PTPN4: variants seen among roughly 807,000 people sequenced by gnomAD.
The protein encoded by PTPN4 is protein tyrosine phosphatase non-receptor type 4, also known as tyrosine-protein phosphatase non-receptor type 4.
Under a neutral mutation model 135.5 loss-of-function variants are expected in PTPN4, and 49 were observed. That is an observed-to-expected ratio of 0.36 (90% CI 0.29 to 0.46). PTPN4 has a LOEUF of 0.46. Ranked by LOEUF, PTPN4 falls within the 20% of genes least tolerant of loss-of-function variation. The pLI is 1.00. For synonymous variants in PTPN4, 333 were observed against 369.9 expected (o/e 0.90, Z 1.14); for missense variants, 860 against 1,101.0 (o/e 0.78, Z 3.10).
Position 119,977,033 on chromosome 2 carries a change from G to C in PTPN4, c.2744G>C (p.Gly915Ala). Residue 915 changes from glycine (G) to alanine (A), a missense_variant, in exon 27 of 27, where the codon GGC becomes GCC. Physicochemically the swap from Gly to Ala is moderately conservative, Grantham distance 60. Coordinates refer to ENST00000263708, the MANE Select transcript of PTPN4 (RefSeq NM_002830.4). Reference sequence around the variant, plus strand: ...GCTATTTTGAAAGTTTATGAAGAAGGCTTTGTTAAACCCTTAACAACATCA... The same window carrying C: ...GCTATTTTGAAAGTTTATGAAGAAGCCTTTGTTAAACCCTTAACAACATCA... ...CEAILKVYEEGFVKPLTTSTN... is the reference protein window; with the variant it reads ...CEAILKVYEEAFVKPLTTSTN... 6.2e-7 allele frequency: 1 copy of C among 1,607,268 alleles called. No individual in the cohort carries two copies. The highest frequency in any genetic ancestry group is 8.5e-7 in the Non-Finnish European group (1 of 1,178,080).
intron 1 of PTPN4, among the ~76,000 whole-genome samples, chr2:119,773,404 G>A (rs977054080): frequency 2.0e-5 from 3 of 151,876 alleles, no homozygotes; most frequent in Admixed American, 6.6e-5. Flanking sequence ...AAACACAGAT[G>A]AACTATATAG....
chr2:119,848,595 ATCT>A (rs1258904393), intron 2 of PTPN4, among the ~76,000 whole-genome samples: 1 of 147,952 alleles, frequency 6.8e-6, no homozygotes, highest in East Asian at 2.1e-4. Context: ...CTCTTAATTT[ATCT>A]TCTTTTTATT....
intron 26 of PTPN4, among the ~76,000 whole-genome samples, chr2:119,971,654 C>T (rs1412310352): frequency 6.6e-6 from 1 of 152,158 alleles, no homozygotes; most frequent in African/African-American, 2.4e-5. Flanking sequence ...AGTTGATGCA[C>T]AGAAGTTTTG....
At position 119,881,782 on chromosome 2, in the gene PTPN4, T is replaced by C. The variant is rs1040070781; in HGVS notation, c.369-4T>C. On this transcript the variant is annotated splice_polypyrimidine_tract_variant and splice_region_variant and intron_variant, in intron 5 of 26. Coordinates refer to ENST00000263708, the MANE Select transcript of PTPN4 (RefSeq NM_002830.4). ...GCTATCCTTTTTGTTTGTTTGTTTT[T>C]AAGGTACCAGTATTTTTTGCAAATT... 2 of 1,548,268 alleles carry C rather than the reference T, an allele frequency of 1.3e-6. No individual in the cohort carries two copies. The highest frequency in any genetic ancestry group is 2.7e-5 in the African/African-American group (2 of 72,906).
intron 1 of PTPN4, among the ~76,000 whole-genome samples, chr2:119,796,908 T>G (rs1248332420): frequency 6.6e-6 from 1 of 151,366 alleles, no homozygotes; most frequent in Non-Finnish European, 1.5e-5. Flanking sequence ...TTTGCCATTC[T>G]GATAGGTAGG....
intron 24 of PTPN4, among the ~76,000 whole-genome samples, chr2:119,964,259 G>T (rs1679414683): frequency 6.6e-6 from 1 of 152,228 alleles, no homozygotes; most frequent in Admixed American, 6.5e-5. Context: ...TTAAAGTATA[G>T]ATGTTATTTC....
intron 26 of PTPN4, among the ~76,000 whole-genome samples, chr2:119,975,874 C>G (rs1679607937): frequency 6.6e-6 from 1 of 151,950 alleles, no homozygotes; most frequent in African/African-American, 2.4e-5. Context: ...AAGTATAAAT[C>G]TAAAAAGGAA....
At chr2:119,801,227 A>G (rs1691357822) in intron 1 of PTPN4, among the ~76,000 whole-genome samples, 1 of 152,114 alleles carries the variant, frequency 6.6e-6, no homozygotes, top group Admixed American at 6.6e-5. Context: ...AGCTGGGATT[A>G]CAAACATGCA....
At chr2:119,884,336 C>G (rs572966218) in intron 8 of PTPN4, among the ~76,000 whole-genome samples, 3 of 152,224 alleles carry the variant, frequency 2.0e-5, no homozygotes, top group African/African-American at 7.2e-5. Context: ...AAAACACTTA[C>G]TGGAACACAG....
rs80222844 is a variant in PTPN4 at position 119,770,630 on chromosome 2, C to T, written c.-18+10246C>T. 1.3e-3 allele frequency among the ~76,000 whole-genome samples: 205 copies of T among 152,032 alleles called. 1 individual carries two copies. In the East Asian group the frequency reaches 0.036, roughly 27 times the overall value. Reference sequence around the variant, plus strand: ...CATAATTTTTAAATTTAAAATATACCTTGGAGATCATTTGACTTCAGCATA... The same window carrying T: ...CATAATTTTTAAATTTAAAATATACTTTGGAGATCATTTGACTTCAGCATA... On this transcript the variant is annotated intron_variant, in intron 1 of 26. Transcript: ENST00000263708.
intron 1 of PTPN4, among the ~76,000 whole-genome samples, chr2:119,779,296 G>A (rs1690894571): frequency 6.6e-6 from 1 of 152,218 alleles, no homozygotes; most frequent in Non-Finnish European, 1.5e-5. Context: ...AGATGGTCCA[G>A]TTGGGAATAT....
At chr2:119,841,271 A>G (rs1428851223) in intron 2 of PTPN4, among the ~76,000 whole-genome samples, 1 of 152,208 alleles carries the variant, frequency 6.6e-6, no homozygotes, top group Non-Finnish European at 1.5e-5. Flanking sequence ...TTGTGCTTAC[A>G]CATTACTGTA....
At chr2:119,843,613 A>AG (rs1237743345) in intron 2 of PTPN4, among the ~76,000 whole-genome samples, 1 of 87,570 alleles carries the variant, frequency 1.1e-5, no homozygotes, top group Non-Finnish European at 2.3e-5. Flanking sequence ...CTGGCCGGGC[A>AG]GGGGGGCTGA....
chr2:119,793,846 GTTTTTTTTTTTTTTT>G (rs55956611), intron 1 of PTPN4, among the ~76,000 whole-genome samples: 3 of 24,798 alleles, frequency 1.2e-4, no homozygotes, highest in African/African-American at 1.8e-4. Context: ...TTCATTTTTA[GTTTTTTTTTTTTTTT>G]TTTTTTTTTT....
chr2:119,948,556 T>C (rs535224787), intron 18 of PTPN4, among the ~76,000 whole-genome samples: 2 of 152,242 alleles, frequency 1.3e-5, no homozygotes, highest in Non-Finnish European at 2.9e-5. Flanking sequence ...GGGATATTAA[T>C]TATATGGTTT....
chr2:119,855,548 T>C (rs968305070), intron 2 of PTPN4, among the ~76,000 whole-genome samples: 1 of 152,204 alleles, frequency 6.6e-6, no homozygotes, highest in African/African-American at 2.4e-5. Flanking sequence ...GATATCCGTC[T>C]TTAGGATAGT....
At chr2:119,778,173 T>G (rs1159521868) in intron 1 of PTPN4, among the ~76,000 whole-genome samples, 1 of 152,186 alleles carries the variant, frequency 6.6e-6, no homozygotes, top group Non-Finnish European at 1.5e-5. Context: ...GTAGTACTTA[T>G]GAAAGATTGG....
chr2:119,890,755 G>A (rs1455494848), intron 9 of PTPN4, among the ~76,000 whole-genome samples: 1 of 152,038 alleles, frequency 6.6e-6, no homozygotes, highest in Non-Finnish European at 1.5e-5. Flanking sequence ...GGACTTTCTT[G>A]AGCATATCTT....
intron 1 of PTPN4, among the ~76,000 whole-genome samples, chr2:119,774,252 A>G (rs1377865277): frequency 6.6e-6 from 1 of 152,224 alleles, no homozygotes; most frequent in Non-Finnish European, 1.5e-5. Context: ...AAGGAGAGAA[A>G]TGTCACAACA....
Sources: gnomAD v4.1 joint callset for allele counts (sites outside exome capture counted in the v4.1 genomes callset) on GRCh38, gnomAD v4.1.1 for gene constraint, MANE v1.5 for transcripts, NCBI Gene and HGNC (gene_info 2026-07-23, HGNC 2026-07-21) for gene names.